Variants in THADA observed in about 807,000 individuals in gnomAD.
THADA encodes the protein tRNA (32-2'-O)-methyltransferase regulator THADA.
A neutral mutation model predicts 219.8 loss-of-function variants in THADA; 213 were observed. The observed-to-expected ratio is 0.97, with a 90% CI of 0.87 to 1.09. The LOEUF is 1.09. THADA is among the 50% of genes least tolerant of loss of function. The probability of loss-of-function intolerance (pLI) is 0.00; values close to 1 mark genes in which losing one functional copy is unlikely to be tolerated. For missense variants in THADA, 2,956 were observed against 2,311.3 expected (o/e 1.28, Z -5.72); for synonymous variants, 1,018 against 828.9 (o/e 1.23, Z -3.92).
chr2:43,443,687 G>T (rs900656562), intron 26 of THADA, among the ~76,000 whole-genome samples: 55 of 152,322 alleles, frequency 3.6e-4, no homozygotes, highest in African/African-American at 1.3e-3. Context: ...AAAACAGACA[G>T]GTGAAAACAA....
chr2:43,261,825 C>T (rs946020135), intron 36 of THADA, among the ~76,000 whole-genome samples: 2 of 152,060 alleles, frequency 1.3e-5, no homozygotes, highest in Non-Finnish European at 2.9e-5. Context: ...TTAGTAGAGA[C>T]GGGGTTTCAC....
chr2:43,338,290 G>A (rs1666705600), intron 30 of THADA, among the ~76,000 whole-genome samples: 1 of 151,668 alleles, frequency 6.6e-6, no homozygotes. Flanking sequence ...CCAAGTAGCT[G>A]GGACTACAGG....
rs1181453924 is a variant in THADA at position 43,298,009 on chromosome 2, C to T, written c.4439-4796G>A. 3.7e-5 allele frequency among the ~76,000 whole-genome samples: 4 copies of T among 108,216 alleles called. 1 individual carries two copies. Among genetic ancestry groups the T allele is most frequent in the Non-Finnish European group, 3.5e-5 (2 of 56,454 alleles). The allele number at this position is 108,216 out of a possible 152,430, so 71.0% of individuals were successfully genotyped here. A position where few individuals can be genotyped will look rare whatever the true frequency, so the allele number is the denominator to read the frequency against. On this transcript the variant is annotated intron_variant, in intron 31 of 37. Coordinates refer to ENST00000405975, the MANE Select transcript of THADA (RefSeq NM_022065.5). ...GTCCGGGAGGGAGTGTGGGGGGGGT[C>T]AGCCCCCCGGCCCGGCCAGCCGCCC... is the stretch of plus-strand genomic sequence containing the variant.
chr2:43,441,142 A>G (rs1343182127), intron 26 of THADA, among the ~76,000 whole-genome samples: 1 of 152,226 alleles, frequency 6.6e-6, no homozygotes, highest in African/African-American at 2.4e-5. Context: ...AGTATCAACT[A>G]TGCATTTGTC....
chr2:43,586,322 G>C, intron 7 of THADA, 79 bp downstream of exon 7: 1 of 1,185,270 alleles, frequency 8.4e-7, no homozygotes, highest in East Asian at 2.7e-5. Context: ...CACATTCTGA[G>C]ACTTTTAAAT....
At chr2:43,415,512 A>C (rs1049761586) in intron 28 of THADA, among the ~76,000 whole-genome samples, 1 of 152,190 alleles carries the variant, frequency 6.6e-6, no homozygotes, top group Admixed American at 6.5e-5. Context: ...CTCAGATCTC[A>C]TAACAATGTC....
intron 35 of THADA, among the ~76,000 whole-genome samples, chr2:43,284,599 C>G (rs1673764465): frequency 6.6e-6 from 1 of 152,166 alleles, no homozygotes; most frequent in African/African-American, 2.4e-5. Context: ...CATGGAGAAC[C>G]TCTATTAGGG....
At position 43,586,403 on chromosome 2, in the gene THADA, AT is replaced by A; in HGVS notation, c.530del (p.Asn177IlefsTer14). On this transcript the variant is annotated frameshift_variant, in exon 7 of 38. Transcript: ENST00000405975. LOFTEE classifies it high-confidence loss of function. Reference protein sequence around the residue: ...QKSLIEILEENRKCAGNHIIQ... With the variant: ...QKSLIEILEEXRKCAGNHIIQ... The stretch of plus-strand genomic sequence containing the variant: ...AAATGCCAACATATAGCACTTGCCT[AT>A]TTTCTTCCAGGATTTCAATTAAACT... 6.3e-7 allele frequency: 1 copy of A among 1,584,306 alleles called. No homozygotes were observed. The highest frequency in any genetic ancestry group is 1.2e-5 in the South Asian group (1 of 84,756).
At chr2:43,520,713 TAC>T (rs145550774) in intron 22 of THADA, among the ~76,000 whole-genome samples, 15,853 of 124,884 alleles carry the variant, frequency 0.13, 875 homozygotes, top group Middle Eastern at 0.14. Flanking sequence ...TATATATATA[TAC>T]ACACACACAC....
At chr2:43,438,251 G>A (rs1680376797) in intron 26 of THADA, among the ~76,000 whole-genome samples, 1 of 140,516 alleles carries the variant, frequency 7.1e-6, no homozygotes, top group Non-Finnish European at 1.5e-5. Context: ...GCAGTGAGCC[G>A]AGATCGTGCC....
intron 29 of THADA, among the ~76,000 whole-genome samples, chr2:43,384,794 T>C (rs114609465): frequency 4.3e-4 from 66 of 152,282 alleles, no homozygotes; most frequent in African/African-American, 1.4e-3. Flanking sequence ...AGTGTGACTC[T>C]ATCTCTACAA....
intron 36 of THADA, among the ~76,000 whole-genome samples, chr2:43,277,535 C>T (rs930854398): frequency 6.6e-6 from 1 of 152,250 alleles, no homozygotes; most frequent in South Asian, 2.1e-4. Context: ...TCCCCAAGCT[C>T]CTCCAGCAGG....
At chr2:43,473,964 T>C (rs886864865) in intron 26 of THADA, among the ~76,000 whole-genome samples, 2 of 152,114 alleles carry the variant, frequency 1.3e-5, no homozygotes, top group Non-Finnish European at 2.9e-5. Flanking sequence ...TACACCAGCA[T>C]CACCACAAAC....
intron 29 of THADA, among the ~76,000 whole-genome samples, chr2:43,353,502 T>A (rs1243307078): frequency 6.6e-6 from 1 of 152,212 alleles, no homozygotes; most frequent in South Asian, 2.1e-4. Flanking sequence ...ATAAAAGAGA[T>A]GGGTATTCAA....
At position 43,581,940 on chromosome 2, in the gene THADA, A is replaced by G. The variant is rs1559020658; in HGVS notation, c.534-12T>C. 3.3e-6 allele frequency: 5 copies of G among 1,514,336 alleles called. No individual in the cohort carries two copies. Among genetic ancestry groups the G allele is most frequent in the Non-Finnish European group, 4.4e-6 (5 of 1,136,462 alleles). The allele number at this position is 1,514,336 out of a possible 1,614,324, so 93.8% of individuals were successfully genotyped here. ...TTCCAGCACATTTTCTATAAAGAAG[A>G]AAAGACATTATTACAAAAGGAAATT... On this transcript the variant is annotated splice_polypyrimidine_tract_variant and intron_variant, in intron 7 of 37. Coordinates refer to ENST00000405975, the MANE Select transcript of THADA (RefSeq NM_022065.5).
chr2:43,283,270 C>G (rs769525925), intron 35 of THADA, among the ~76,000 whole-genome samples: 1 of 152,176 alleles, frequency 6.6e-6, no homozygotes, highest in Non-Finnish European at 1.5e-5. Context: ...TACCCAGTCT[C>G]AGATAGTTCT....
intron 26 of THADA, among the ~76,000 whole-genome samples, chr2:43,474,026 C>A (rs1685225564): frequency 6.6e-6 from 1 of 152,174 alleles, no homozygotes; most frequent in Non-Finnish European, 1.5e-5. Context: ...AATTTTTCAG[C>A]TCCACTATAA....
intron 29 of THADA, among the ~76,000 whole-genome samples, chr2:43,355,203 G>T (rs184997848): frequency 2.6e-5 from 4 of 152,240 alleles, no homozygotes; most frequent in Admixed American, 2.0e-4. Context: ...ACAAGAGAGT[G>T]CAAATATCTC....
intron 29 of THADA, among the ~76,000 whole-genome samples, chr2:43,373,718 T>TCTGTCCAC (rs1258910922): frequency 6.6e-6 from 1 of 152,136 alleles, no homozygotes; most frequent in Non-Finnish European, 1.5e-5. Flanking sequence ...CCTCATGTGA[T>TCTGTCCAC]CTGTCCACCT....
Sources: gnomAD v4.1 joint callset for allele counts (sites outside exome capture counted in the v4.1 genomes callset) on GRCh38, gnomAD v4.1.1 for gene constraint, MANE v1.5 for transcripts, NCBI Gene and HGNC (gene_info 2026-07-23, HGNC 2026-07-21) for gene names.